The following ADAMTS18 variants were observed in gnomAD, a reference collection of about 807,000 sequenced individuals.
ADAMTS18 encodes A disintegrin and metalloproteinase with thrombospondin motifs 18.
In ADAMTS18, 157 loss-of-function variants were observed where a neutral mutation model predicts 165.9. That is an observed-to-expected ratio of 0.95 (90% CI 0.83 to 1.08). The LOEUF is 1.08. Ranked by LOEUF, ADAMTS18 falls within the 50% of genes least tolerant of loss-of-function variation. The pLI is 0.00. For missense variants in ADAMTS18, 2,040 were observed against 1,534.0 expected, an observed-to-expected ratio of 1.33 and a Z score of -5.51; for synonymous variants, 782 against 578.2, an observed-to-expected ratio of 1.35 and a Z score of -5.06.
At chr16:77,415,659 G>A (rs1262652997) in intron 3 of ADAMTS18, among the ~76,000 whole-genome samples, 1 of 147,426 alleles carries the variant, frequency 6.8e-6, no homozygotes, top group Non-Finnish European at 1.5e-5. Context: ...GAAGAGGTGG[G>A]GAGGGTAGAT....
intron 3 of ADAMTS18, among the ~76,000 whole-genome samples, chr16:77,372,049 A>C (rs886925716): frequency 1.3e-5 from 2 of 152,216 alleles, no homozygotes; most frequent in African/African-American, 4.8e-5. Context: ...ATTTTCAGGG[A>C]AATGCAAATC....
chr16:77,347,052 A>T (rs2056487734), intron 10 of ADAMTS18, among the ~76,000 whole-genome samples: 1 of 152,194 alleles, frequency 6.6e-6, no homozygotes, highest in South Asian at 2.1e-4. Flanking sequence ...ATATAAATGG[A>T]ACCATACAGA....
At chr16:77,372,235 C>G (rs1289558657) in intron 3 of ADAMTS18, among the ~76,000 whole-genome samples, 1 of 152,084 alleles carries the variant, frequency 6.6e-6, no homozygotes, top group African/African-American at 2.4e-5. Flanking sequence ...AAATATAGTT[C>G]TACCATATGA....
intron 10 of ADAMTS18, among the ~76,000 whole-genome samples, chr16:77,351,676 T>C (rs151164852): frequency 2.0e-5 from 3 of 152,308 alleles, no homozygotes; most frequent in African/African-American, 7.2e-5. Flanking sequence ...AGTGAATGGC[T>C]ACTTAACTTC....
At chr16:77,344,269 C>G (rs1474166387) in intron 10 of ADAMTS18, among the ~76,000 whole-genome samples, 3 of 151,786 alleles carry the variant, frequency 2.0e-5, no homozygotes, top group Non-Finnish European at 2.9e-5. Context: ...GAAACACCAA[C>G]ACCACCAGCT....
intron 17 of ADAMTS18, chr16:77,300,022 G>C (rs1038657698): frequency 6.5e-6 from 3 of 458,820 alleles, no homozygotes; most frequent in East Asian, 7.9e-5. Flanking sequence ...TTTCCCATAA[G>C]TTTTAGATGT....
chr16:77,356,614 CTCTTA>C (rs1597163692), intron 8 of ADAMTS18, among the ~76,000 whole-genome samples: 1 of 144,068 alleles, frequency 6.9e-6, no homozygotes, highest in East Asian at 1.9e-4. Context: ...TAATTAAACT[CTCTTA>C]TAATAAACAT....
In ADAMTS18 at chr16:77,335,764, A is replaced by C; in HGVS notation, c.1851T>G (p.Asn617Lys). Residue 617 changes from asparagine (N) to lysine (K), a missense_variant, in exon 12 of 23, where the codon AAT (asparagine) becomes AAG (lysine). Coordinates refer to ENST00000282849, the MANE Select transcript of ADAMTS18 (RefSeq NM_199355.4). ...TTCTGCTGGAGGCTTACTTGGGGTT[A>C]TTGCAGTGTCTCTCCTGGAACTTGA... ...GGVKFQERHCNNPKPQYGGLF... is the reference protein window; with the variant it reads ...GGVKFQERHCKNPKPQYGGLF... 6.2e-7 allele frequency: 1 copy of C among 1,614,240 alleles called. No homozygotes were observed. The highest frequency in any genetic ancestry group is 1.1e-5 in the South Asian group (1 of 91,090).
At chr16:77,343,246 G>T (rs895744743) in intron 10 of ADAMTS18, among the ~76,000 whole-genome samples, 1 of 152,022 alleles carries the variant, frequency 6.6e-6, no homozygotes, top group Non-Finnish European at 1.5e-5. Flanking sequence ...GCCACTTTTT[G>T]TATTTTTAGT....
At chr16:77,332,958 G>GC (rs2056214579) in intron 12 of ADAMTS18, among the ~76,000 whole-genome samples, 1 of 152,172 alleles carries the variant, frequency 6.6e-6, no homozygotes. Flanking sequence ...AACACGTGTT[G>GC]ATGTACATTC....
At chr16:77,325,610 T>C (rs1386404012) in intron 13 of ADAMTS18, among the ~76,000 whole-genome samples, 1 of 150,932 alleles carries the variant, frequency 6.6e-6, no homozygotes, top group African/African-American at 2.4e-5. Context: ...TTGAGAAACA[T>C]GAGTTCATTC....
intron 19 of ADAMTS18, 135 bp from the exon 20 acceptor site, chr16:77,293,393 T>C (rs1489699605): frequency 4.0e-6 from 3 of 757,796 alleles, no homozygotes; most frequent in African/African-American, 3.5e-5. Flanking sequence ...TTTTACGAGA[T>C]CTACTTAACC....
chr16:77,307,756 T>C (rs2055707379), intron 16 of ADAMTS18, among the ~76,000 whole-genome samples: 1 of 152,172 alleles, frequency 6.6e-6, no homozygotes, highest in Admixed American at 6.5e-5. Flanking sequence ...TCCATGCTAC[T>C]TGGCTAATCT....
Position 77,413,666 on chromosome 16 carries a change from T to C in ADAMTS18, c.495+17629A>G, listed in dbSNP as rs370591078. On this transcript the variant is annotated intron_variant, in intron 3 of 22. Transcript: ENST00000282849. ...TTTTAAAACTATAATTGCTTTGCTT[T>C]CTACATATGTTATTTAGTATACTTA... is the stretch of plus-strand genomic sequence containing the variant. 5.3e-5 allele frequency among the ~76,000 whole-genome samples: 8 copies of C among 152,170 alleles called. No individual in the cohort carries two copies. In the East Asian group the frequency reaches 1.2e-3, roughly 22 times the overall value.
intron 10 of ADAMTS18, among the ~76,000 whole-genome samples, chr16:77,349,404 C>G (rs1049266737): frequency 6.6e-6 from 1 of 151,924 alleles, no homozygotes; most frequent in African/African-American, 2.4e-5. Context: ...GTCACCCCAG[C>G]CCACCAGACA....
intron 11 of ADAMTS18, among the ~76,000 whole-genome samples, 198 bp from the exon 12 acceptor site, chr16:77,336,102 G>C (rs1439479222): frequency 5.9e-5 from 9 of 152,218 alleles, no homozygotes; most frequent in Non-Finnish European, 1.3e-4. Context: ...TTGAAAGGCT[G>C]ACATCTAGAG....
At chr16:77,411,751 A>G (rs1225337112) in intron 3 of ADAMTS18, among the ~76,000 whole-genome samples, 2 of 137,242 alleles carry the variant, frequency 1.5e-5, no homozygotes, top group Non-Finnish European at 3.0e-5. Flanking sequence ...CAGTGGCGCA[A>G]TCTTGGCTCA....
chr16:77,295,011 G>A lies in ADAMTS18; in HGVS notation c.2918C>T (p.Ser973Phe), dbSNP rs1342475131. 1.9e-6 allele frequency: 3 copies of A among 1,614,082 alleles called. No homozygotes were observed. The highest frequency in any genetic ancestry group is 2.2e-5 in the East Asian group (1 of 44,880). Reference protein sequence around the residue: ...PFQKEEAVLHSLCPVSTPTQV... With the variant: ...PFQKEEAVLHFLCPVSTPTQV... ...AGTGGGTGTGCTCACTGGACAGAGA[G>A]AATGCAACACTGCTTCCTCCTTTTG... Residue 973 changes from serine to phenylalanine, a missense_variant, in exon 19 of 23, where the codon TCT becomes TTT. Physicochemically the swap from Ser to Phe is radical, Grantham distance 155. Coordinates refer to ENST00000282849, the MANE Select transcript of ADAMTS18 (RefSeq NM_199355.4).
In ADAMTS18 at chr16:77,413,807, GAA is replaced by G. The variant is rs34499809; in HGVS notation, c.495+17486_495+17487del. On this transcript the variant is annotated intron_variant, in intron 3 of 22. Transcript: ENST00000282849. ...ACACTTAATAAAGAGGTTTCCATCTGAAAAAAAAAAAAAGCAAAAGTTAATTA... is the reference window on the plus strand; with the variant it reads ...ACACTTAATAAAGAGGTTTCCATCTGAAAAAAAAAAAGCAAAAGTTAATTA... 3.6e-4 allele frequency among the ~76,000 whole-genome samples: 45 copies of G among 124,090 alleles called. 1 individual carries two copies. The highest frequency in any genetic ancestry group is 4.4e-3 in the Middle Eastern group (1 of 228). 81.4% of individuals were successfully genotyped at this position (124,090 alleles called of 152,430 possible).
Sources: gnomAD v4.1 joint callset for allele counts (sites outside exome capture counted in the v4.1 genomes callset) on GRCh38, gnomAD v4.1.1 for gene constraint, MANE v1.5 for transcripts, NCBI Gene and HGNC (gene_info 2026-07-23, HGNC 2026-07-21) for gene names.